Variants in CPNE4 observed in about 807,000 individuals in gnomAD.
CPNE4 encodes copine-4.
In CPNE4, 25 loss-of-function variants were observed where a neutral mutation model predicts 67.9. The observed-to-expected ratio is 0.37, with a 90% CI of 0.27 to 0.51. The LOEUF (loss-of-function observed/expected upper bound fraction) is 0.51, where lower values mean the gene tolerates loss of function less well. CPNE4 is among the 20% of genes least tolerant of loss of function. The pLI, the probability that CPNE4 is intolerant of heterozygous loss-of-function variation, is 0.93. For synonymous variants in CPNE4, 242 were observed against 244.9 expected, an observed-to-expected ratio of 0.99 and a Z score of 0.11; for missense variants, 464 against 690.8, an observed-to-expected ratio of 0.67 and a Z score of 3.68.
intron 2 of CPNE4, among the ~76,000 whole-genome samples, chr3:131,738,634 C>T (rs1053353889): frequency 4.6e-5 from 7 of 151,800 alleles, no homozygotes; most frequent in African/African-American, 1.2e-4. Context: ...TTTGTTTGTT[C>T]GTTTTTGTTT....
At chr3:131,914,929 T>C (rs964630400) in intron 1 of CPNE4, among the ~76,000 whole-genome samples, 1 of 152,198 alleles carries the variant, frequency 6.6e-6, no homozygotes, top group Non-Finnish European at 1.5e-5. Context: ...TGAGCCGAGA[T>C]TGCGCCACTG....
intron 7 of CPNE4, among the ~76,000 whole-genome samples, chr3:131,607,102 C>G (rs1422539391): frequency 6.6e-6 from 1 of 151,680 alleles, no homozygotes; most frequent in South Asian, 2.1e-4. Context: ...AAGCAATTCT[C>G]CTCCTCTAAA....
chr3:131,696,752 AG>A (rs1035840274), intron 4 of CPNE4, 136 bp from the exon 5 acceptor site: 3 of 722,676 alleles, frequency 4.2e-6, no homozygotes, highest in Non-Finnish European at 7.2e-6. Flanking sequence ...CCACAACCCT[AG>A]TGACTACAGC....
chr3:131,603,837 A>G (rs1047167841), intron 7 of CPNE4, among the ~76,000 whole-genome samples: 1 of 152,174 alleles, frequency 6.6e-6, no homozygotes, highest in East Asian at 1.9e-4. Context: ...CCTCAGTTGA[A>G]GAAGCATTGG....
At chr3:131,909,120 A>C (rs2088880671) in intron 1 of CPNE4, among the ~76,000 whole-genome samples, 1 of 152,170 alleles carries the variant, frequency 6.6e-6, no homozygotes, top group African/African-American at 2.4e-5. Context: ...ACTACCCTCC[A>C]TCTAAGAGCA....
At chr3:131,792,663 G>GTGTATATATGTATATATACACACATGTA (rs1553772227) in intron 2 of CPNE4, among the ~76,000 whole-genome samples, 3 of 48,062 alleles carry the variant, frequency 6.2e-5, no homozygotes, top group Non-Finnish European at 8.4e-5. Flanking sequence ...ATACACACGT[G>GTGTATATATGTATATATACACACATGTA]TATATATACA....
intron 2 of CPNE4, among the ~76,000 whole-genome samples, chr3:131,764,052 C>T (rs1400898607): frequency 6.6e-6 from 1 of 151,886 alleles, no homozygotes; most frequent in Non-Finnish European, 1.5e-5. Context: ...TGAACTGAGC[C>T]ACAAGGATTT....
intron 9 of CPNE4, among the ~76,000 whole-genome samples, chr3:131,580,435 CATATACATATACATATACAT>C (rs1559932320): frequency 3.1e-5 from 4 of 130,886 alleles, no homozygotes; most frequent in Admixed American, 7.4e-5. Flanking sequence ...TATACATATA[CATATACATATACATATACAT>C]ATACACATAT....
At chr3:131,714,394 A>C (rs572163687) in intron 3 of CPNE4, among the ~76,000 whole-genome samples, 1 of 152,222 alleles carries the variant, frequency 6.6e-6, no homozygotes, top group East Asian at 1.9e-4. Flanking sequence ...GGGAGAAAAA[A>C]CTTTGGCACT....
chr3:132,003,225 T>C (rs1316268603), intron 1 of CPNE4, among the ~76,000 whole-genome samples: 2 of 152,110 alleles, frequency 1.3e-5, no homozygotes, highest in Non-Finnish European at 2.9e-5. Flanking sequence ...ATGGATCACA[T>C]AGATGACATC....
intron 2 of CPNE4, among the ~76,000 whole-genome samples, chr3:131,842,410 G>T (rs1337473177): frequency 1.3e-5 from 2 of 152,166 alleles, no homozygotes; most frequent in East Asian, 1.9e-4. Flanking sequence ...GGCCAGCAGG[G>T]ATCCAGATGA....
At chr3:131,639,083 T>C (rs1269782338) in intron 7 of CPNE4, among the ~76,000 whole-genome samples, 2 of 151,896 alleles carry the variant, frequency 1.3e-5, no homozygotes, top group South Asian at 2.1e-4. Context: ...ATAGACAAGC[T>C]AAGGTCACAT....
At chr3:131,699,820 A>C (rs2081248061) in intron 4 of CPNE4, 89 bp downstream of exon 4, 1 of 921,512 alleles carries the variant, frequency 1.1e-6, no homozygotes, top group African/African-American at 1.7e-5. Context: ...AATATCAGAA[A>C]GTCTGCTTCC....
intron 2 of CPNE4, among the ~76,000 whole-genome samples, chr3:131,758,059 C>T (rs766784360): frequency 3.9e-5 from 6 of 152,202 alleles, no homozygotes; most frequent in Non-Finnish European, 8.8e-5. Flanking sequence ...TCTGCTAGGG[C>T]AGTATGGAAG....
At chr3:131,539,326 A>C (rs561315557) in intron 15 of CPNE4, among the ~76,000 whole-genome samples, 1 of 152,298 alleles carries the variant, frequency 6.6e-6, no homozygotes, top group African/African-American at 2.4e-5. Flanking sequence ...CAATGTCCCC[A>C]AAATTCCCTG....
At chr3:131,703,112 T>C (rs1487253376) in intron 3 of CPNE4, among the ~76,000 whole-genome samples, 1 of 152,178 alleles carries the variant, frequency 6.6e-6, no homozygotes, top group Non-Finnish European at 1.5e-5. Flanking sequence ...AAAAGCCTAT[T>C]TGTTGCAAAT....
intron 15 of CPNE4, among the ~76,000 whole-genome samples, chr3:131,538,643 A>C (rs527686254): frequency 6.6e-6 from 1 of 152,364 alleles, no homozygotes; most frequent in African/African-American, 2.4e-5. Context: ...ACAAAGCTTA[A>C]AGCATATGAT....
intron 7 of CPNE4, among the ~76,000 whole-genome samples, chr3:131,606,549 G>A (rs566065226): frequency 2.0e-5 from 3 of 152,196 alleles, no homozygotes; most frequent in South Asian, 4.2e-4. Flanking sequence ...ACTACTATTC[G>A]TCATGGTCCC....
chr3:132,021,924 A>C (rs547385253), intron 1 of CPNE4, among the ~76,000 whole-genome samples: 11 of 152,312 alleles, frequency 7.2e-5, no homozygotes, highest in African/African-American at 2.2e-4. Flanking sequence ...GTGGAATAGA[A>C]GTTTCGATCT....
Sources: allele counts gnomAD v4.1 joint callset (sites outside exome capture counted in the v4.1 genomes callset), GRCh38; gene constraint gnomAD v4.1.1; transcripts MANE v1.5; gene names NCBI Gene and HGNC (gene_info 2026-07-23, HGNC 2026-07-21).